Variants in LSAMP observed in about 807,000 individuals in gnomAD.
LSAMP encodes the protein limbic system associated membrane protein.
A neutral mutation model predicts 38.6 loss-of-function variants in LSAMP; 7 were observed. The observed-to-expected ratio is 0.18, with a 90% CI of 0.10 to 0.34. LSAMP has a LOEUF of 0.34. Ranked by LOEUF, LSAMP falls within the 10% of genes least tolerant of loss-of-function variation. The pLI, the probability that LSAMP is intolerant of heterozygous loss-of-function variation, is 1.00. For missense variants in LSAMP, 313 were observed against 420.0 expected, an observed-to-expected ratio of 0.75 and a Z score of 2.23; for synonymous variants, 154 against 166.8, an observed-to-expected ratio of 0.92 and a Z score of 0.59.
chr3:116,405,042 C>T (rs2048883221), intron 1 of LSAMP, among the ~76,000 whole-genome samples: 1 of 152,022 alleles, frequency 6.6e-6, no homozygotes, highest in African/African-American at 2.4e-5. Context: ...GATTCAGAGG[C>T]TAAGAGTTTA....
At chr3:115,926,777 C>A (rs746811539) in intron 3 of LSAMP, among the ~76,000 whole-genome samples, 26 of 152,252 alleles carry the variant, frequency 1.7e-4, no homozygotes, top group Non-Finnish European at 3.8e-4. Context: ...AACATTATTC[C>A]CCAGGCTTCT....
chr3:116,153,242 CT>C (rs1709652734), intron 1 of LSAMP, among the ~76,000 whole-genome samples: 2 of 152,154 alleles, frequency 1.3e-5, no homozygotes, highest in African/African-American at 2.4e-5. Flanking sequence ...TGGAGCCCCC[CT>C]ATTATCTTTT....
At chr3:115,834,595 G>T in intron 6 of LSAMP, 2 of 1,245,628 alleles carry the variant, frequency 1.6e-6, no homozygotes, top group Non-Finnish European at 2.1e-6. Flanking sequence ...GGTAAAACAC[G>T]TTCTAAAGGG....
At chr3:116,234,063 C>T (rs950097048) in intron 1 of LSAMP, among the ~76,000 whole-genome samples, 5 of 152,178 alleles carry the variant, frequency 3.3e-5, no homozygotes, top group Non-Finnish European at 5.9e-5. Flanking sequence ...ATTTTTAAGA[C>T]GTGGCTTTCA....
chr3:115,897,253 TA>T (rs1936752600), intron 3 of LSAMP, among the ~76,000 whole-genome samples: 1 of 152,110 alleles, frequency 6.6e-6, no homozygotes. Context: ...TTGTTGTATA[TA>T]ATTTTCTCTA....
chr3:116,302,514 C>T (rs1409409850), intron 1 of LSAMP, among the ~76,000 whole-genome samples: 1 of 152,214 alleles, frequency 6.6e-6, no homozygotes, highest in Non-Finnish European at 1.5e-5. Flanking sequence ...AACAGCACAT[C>T]AATGATTAAT....
At chr3:116,060,508 C>A (rs1234172356) in intron 2 of LSAMP, among the ~76,000 whole-genome samples, 2 of 152,232 alleles carry the variant, frequency 1.3e-5, no homozygotes, top group Non-Finnish European at 2.9e-5. Context: ...CGCCTGTAAT[C>A]CCAACACTTT....
At chr3:116,127,243 T>G (rs560370601) in intron 1 of LSAMP, among the ~76,000 whole-genome samples, 2 of 152,226 alleles carry the variant, frequency 1.3e-5, no homozygotes, top group South Asian at 4.1e-4. Context: ...TTGGTTTATA[T>G]TCTCCGTTAT....
At chr3:115,888,216 G>T (rs543213766) in intron 3 of LSAMP, among the ~76,000 whole-genome samples, 18 of 151,976 alleles carry the variant, frequency 1.2e-4, no homozygotes, top group African/African-American at 4.3e-4. Flanking sequence ...CATAAACCAT[G>T]AAATACCACC....
intron 1 of LSAMP, among the ~76,000 whole-genome samples, chr3:116,209,512 T>C (rs2046123596): frequency 6.6e-6 from 1 of 152,214 alleles, no homozygotes; most frequent in East Asian, 1.9e-4. Flanking sequence ...TTTTTGAATA[T>C]GCTGGATTAT....
intron 1 of LSAMP, among the ~76,000 whole-genome samples, chr3:116,141,369 C>T (rs1161362032): frequency 1.3e-5 from 2 of 151,640 alleles, no homozygotes; most frequent in Non-Finnish European, 2.9e-5. Flanking sequence ...GGGATTGCTT[C>T]AGAAAGATGT....
chr3:115,933,098 C>T (rs1233157316), intron 3 of LSAMP, among the ~76,000 whole-genome samples: 2 of 152,116 alleles, frequency 1.3e-5, no homozygotes, highest in Admixed American at 6.6e-5. Context: ...GCATAGACCT[C>T]GCGAAAGGGA....
At chr3:116,112,961 C>T (rs1708649812) in intron 1 of LSAMP, among the ~76,000 whole-genome samples, 1 of 148,188 alleles carries the variant, frequency 6.7e-6, no homozygotes, top group Non-Finnish European at 1.5e-5. Context: ...TTTGGAATTC[C>T]AGTACTCATT....
intron 3 of LSAMP, among the ~76,000 whole-genome samples, chr3:115,952,540 A>G (rs759355444): frequency 2.0e-5 from 3 of 152,210 alleles, no homozygotes; most frequent in Non-Finnish European, 2.9e-5. Flanking sequence ...GCATAAGAAT[A>G]GTGCAACGGA....
intron 6 of LSAMP, chr3:115,816,637 G>A: frequency 7.8e-7 from 1 of 1,286,022 alleles, no homozygotes; most frequent in South Asian, 1.3e-5. Context: ...GTGCACGGTG[G>A]TACCAATTTC....
At chr3:115,913,317 C>T (rs541404530) in intron 3 of LSAMP, among the ~76,000 whole-genome samples, 1 of 152,342 alleles carries the variant, frequency 6.6e-6, no homozygotes, top group Admixed American at 6.5e-5. Context: ...ACTTCATATT[C>T]CTCTACATTT....
intron 1 of LSAMP, among the ~76,000 whole-genome samples, chr3:116,391,387 T>G (rs1197474398): frequency 6.6e-6 from 1 of 151,992 alleles, no homozygotes; most frequent in African/African-American, 2.4e-5. Context: ...CAGGAACCTC[T>G]GCTGCTCCAG....
At chr3:116,332,313 A>G (rs2047862388) in intron 1 of LSAMP, among the ~76,000 whole-genome samples, 1 of 152,164 alleles carries the variant, frequency 6.6e-6, no homozygotes. Context: ...GGGGCACAAA[A>G]TGTGTAAAGA....
intron 3 of LSAMP, among the ~76,000 whole-genome samples, chr3:115,874,723 C>G (rs999227035): frequency 2.0e-5 from 3 of 152,012 alleles, no homozygotes; most frequent in African/African-American, 7.2e-5. Context: ...TTATTTAAGC[C>G]TAAGTTATAA....
Sources: gnomAD v4.1 joint callset for allele counts (sites outside exome capture counted in the v4.1 genomes callset) on GRCh38, gnomAD v4.1.1 for gene constraint, MANE v1.5 for transcripts, NCBI Gene and HGNC (gene_info 2026-07-23, HGNC 2026-07-21) for gene names.